Variants in TUFT1 observed in about 807,000 individuals in gnomAD.
TUFT1 encodes the protein tuftelin.
Under a neutral mutation model 57.8 loss-of-function variants are expected in TUFT1, and 43 were observed. The ratio of observed to expected loss-of-function variants is 0.74; its 90% CI spans 0.58 to 0.96. The LOEUF (loss-of-function observed/expected upper bound fraction) is 0.96, where lower values mean the gene tolerates loss of function less well. Among genes scored for constraint, TUFT1 ranks in the 40% least tolerant of loss-of-function variants. The pLI is 0.00. For missense variants in TUFT1, 459 were observed against 489.0 expected (o/e 0.94, Z 0.58); for synonymous variants, 166 against 176.7 (o/e 0.94, Z 0.48).
At chr1:151,551,643 G>A (rs1024662782) in intron 1 of TUFT1, among the ~76,000 whole-genome samples, 4 of 152,096 alleles carry the variant, frequency 2.6e-5, no homozygotes, top group Non-Finnish European at 5.9e-5. Flanking sequence ...GTGGGAGCAC[G>A]TATTGCACTG....
intron 1 of TUFT1, among the ~76,000 whole-genome samples, chr1:151,543,717 A>T (rs1221440813): frequency 6.6e-6 from 1 of 152,170 alleles, no homozygotes; most frequent in African/African-American, 2.4e-5. Flanking sequence ...CTGCACCATT[A>T]TGCTCAAGAT....
intron 11 of TUFT1, 131 bp from the exon 12 acceptor site, chr1:151,580,811 G>A (rs1474683828): frequency 2.8e-6 from 2 of 718,812 alleles, no homozygotes; most frequent in Non-Finnish European, 4.9e-6. Flanking sequence ...GTATCCAGGT[G>A]GTGGCACGCA....
At chr1:151,580,886 G>A (rs866409581) in intron 11 of TUFT1, 56 bp from the exon 12 acceptor site, 58 of 1,508,468 alleles carry the variant, frequency 3.8e-5, no homozygotes, top group Middle Eastern at 1.7e-4. Context: ...CTAGCTGAAC[G>A]TGGCACCCGG....
intron 3 of TUFT1, among the ~76,000 whole-genome samples, chr1:151,563,151 C>G (rs1465408354): frequency 6.6e-6 from 1 of 152,104 alleles, no homozygotes; most frequent in Non-Finnish European, 1.5e-5. Flanking sequence ...TCCCAAAATG[C>G]TGGTATTATA....
intron 5 of TUFT1, 200 bp downstream of exon 5, chr1:151,564,814 G>C: frequency 2.0e-6 from 1 of 492,134 alleles, no homozygotes; most frequent in Non-Finnish European, 3.6e-6. Context: ...ATTTACACAT[G>C]TCAGCTTAAA....
intron 5 of TUFT1, 119 bp from the exon 6 acceptor site, chr1:151,566,044 C>T: frequency 7.1e-6 from 1 of 141,770 alleles, no homozygotes. Context: ...CCCTCCCTTT[C>T]ACCTTCCTCT....
chr1:151,569,523 G>T (rs1666181975), intron 6 of TUFT1, 134 bp from the exon 7 acceptor site: 2 of 689,734 alleles, frequency 2.9e-6, no homozygotes, highest in Admixed American at 2.3e-5. Context: ...CTCTCCCCTT[G>T]TGTGATGACA....
chr1:151,572,860 G>A (rs2102550832), intron 7 of TUFT1, among the ~76,000 whole-genome samples: 1 of 152,284 alleles, frequency 6.6e-6, no homozygotes, highest in South Asian at 2.1e-4. Flanking sequence ...GGGAGGGGCT[G>A]GACGAACTGG....
chr1:151,580,439 T>G (rs1666610753), intron 11 of TUFT1, among the ~76,000 whole-genome samples: 1 of 151,976 alleles, frequency 6.6e-6, no homozygotes, highest in Non-Finnish European at 1.5e-5. Flanking sequence ...GGCGGTAGGA[T>G]TGCTCGAGGC....
chr1:151,545,570 A>G (rs184873291), intron 1 of TUFT1, among the ~76,000 whole-genome samples: 4 of 152,318 alleles, frequency 2.6e-5, no homozygotes, highest in East Asian at 1.9e-4. Context: ...ATTATTTTCT[A>G]TTTCTACTGG....
At chr1:151,557,567 A>G (rs760197385) in intron 1 of TUFT1, 36 of 1,130,776 alleles carry the variant, frequency 3.2e-5, no homozygotes, top group Non-Finnish European at 4.9e-5. Flanking sequence ...GATGTGCCCA[A>G]TCTTCATGTC....
intron 5 of TUFT1, 47 bp downstream of exon 5, chr1:151,564,661 T>C (rs1040240905): frequency 6.7e-7 from 1 of 1,486,994 alleles, no homozygotes; most frequent in Non-Finnish European, 9.4e-7. Flanking sequence ...GGAGGTGGGG[T>C]TGTGCCAGGC....
chr1:151,551,862 G>A (rs536587411), intron 1 of TUFT1, among the ~76,000 whole-genome samples: 29 of 152,240 alleles, frequency 1.9e-4, no homozygotes, highest in Non-Finnish European at 3.1e-4. Context: ...ACATTTAATA[G>A]TAACATATAT....
chr1:151,579,654 G>T lies in TUFT1; in HGVS notation c.930G>T (p.Gln310His). The change falls in exon 11 of 13, where the codon CAG becomes CAT. Residue 310 changes from glutamine (Q) to histidine (H), a missense_variant. By Grantham distance (24) the Gln-to-His change is conservative. Transcript: ENST00000368849. ...TGTCTCCCACACCTTTGCAGCTCCA[G>T]AATTCAAAAGCTGTGATCCAGTCAA... ...RKVRQMIEQL[Q>H]NSKAVIQSKD... 2 of 1,613,952 alleles carry T rather than the reference G, an allele frequency of 1.2e-6. No individual in the cohort carries two copies. Among genetic ancestry groups the T allele is most frequent in the South Asian group, 1.1e-5 (1 of 91,016 alleles).
chr1:151,544,542 C>T (rs779115348), intron 1 of TUFT1, among the ~76,000 whole-genome samples: 33 of 152,122 alleles, frequency 2.2e-4, no homozygotes, highest in Non-Finnish European at 3.8e-4. Flanking sequence ...AATGATCTGC[C>T]CGCTTCGGCC....
chr1:151,579,377 A>G (rs1025818222), intron 10 of TUFT1, among the ~76,000 whole-genome samples: 2 of 152,210 alleles, frequency 1.3e-5, no homozygotes, highest in African/African-American at 4.8e-5. Context: ...TGAATGAAAA[A>G]ATAATTTGTA....
Position 151,564,610 on chromosome 1 carries a change from T to A in TUFT1, c.410T>A (p.Ile137Lys). The change falls in exon 5 of 13, where the codon ATA (isoleucine) becomes AAA (lysine). Residue 137 changes from isoleucine to lysine, a missense_variant. Coordinates refer to ENST00000368849, the MANE Select transcript of TUFT1 (RefSeq NM_020127.3). ...GGAGATTCTCTCCATCGACAGGAGA[T>A]ACAGGTAATAGGAAATGGTCCATGG... is the stretch of plus-strand genomic sequence containing the variant. ...NLGDSLHRQEIQVVLEKPNGF... is the reference protein window; with the variant it reads ...NLGDSLHRQEKQVVLEKPNGF... The A allele has an allele frequency of 1.2e-6, 2 of 1,613,778 alleles. No homozygotes were observed. The highest frequency in any genetic ancestry group is 2.7e-5 in the African/African-American group (2 of 75,042).
At chr1:151,574,734 G>A (rs2102553148) in intron 8 of TUFT1, among the ~76,000 whole-genome samples, 177 bp from the exon 9 acceptor site, 1 of 152,330 alleles carries the variant, frequency 6.6e-6, no homozygotes, top group East Asian at 1.9e-4. Context: ...CTGAGTGAGA[G>A]TGGGAAGGGT....
chr1:151,569,354 T>A (rs1041797447), intron 6 of TUFT1, among the ~76,000 whole-genome samples: 3 of 152,170 alleles, frequency 2.0e-5, no homozygotes, highest in South Asian at 2.1e-4. Flanking sequence ...ACAGACAGCA[T>A]CCACATATTC....
Sources: allele counts gnomAD v4.1 joint callset (sites outside exome capture counted in the v4.1 genomes callset), GRCh38; gene constraint gnomAD v4.1.1; transcripts MANE v1.5; gene names NCBI Gene and HGNC (gene_info 2026-07-23, HGNC 2026-07-21).